Variants in APBA3 observed in about 807,000 individuals in gnomAD.
The protein encoded by APBA3 is amyloid beta precursor protein binding family A member 3.
APBA3 carries 45 observed loss-of-function variants against 55.9 expected under a neutral mutation model. The observed-to-expected ratio is 0.80, with a 90% CI of 0.63 to 1.03. The LOEUF (loss-of-function observed/expected upper bound fraction) is 1.03, where lower values mean the gene tolerates loss of function less well. Among genes scored for constraint, APBA3 ranks in the 50% least tolerant of loss-of-function variants. The pLI is 0.00. For missense variants in APBA3, 865 were observed against 820.3 expected, an observed-to-expected ratio of 1.05 and a Z score of -0.67; for synonymous variants, 370 against 353.3, an observed-to-expected ratio of 1.05 and a Z score of -0.53.
chr19:3,751,535 A>T lies in APBA3; in HGVS notation c.1414T>A (p.Ser472Thr). The T allele has an allele frequency of 6.3e-7, 1 of 1,590,346 alleles. No individual in the cohort carries two copies. Among genetic ancestry groups the T allele is most frequent in the Non-Finnish European group, 8.5e-7 (1 of 1,171,860 alleles). Residue 472 changes from serine to threonine, a missense_variant, in exon 9 of 11, where the codon TCG becomes ACG. By Grantham distance (58) the Ser-to-Thr change is moderately conservative. Coordinates refer to ENST00000316757, the MANE Select transcript of APBA3 (RefSeq NM_004886.4). ...AAVRETKSQT[S>T]VTLSIVHCPP... ...CAGTGGACGATGCTGAGTGTCACCG[A>T]CGTCTGCGACTTCGTCTCCTGTGGG...
rs1309435874 is a variant in APBA3 at position 3,759,797 on chromosome 19, C to T, written c.468G>A (p.Glu156=). ...TGCCCTCCTGCTCAGCAGAGGCCCC[C>T]TCCACCCATTCTGGGGAGTCAGAAT... ...DEDSDSPEWV[E]GASAEQEGSR... The change falls in exon 2 of 11, where the codon GAG becomes GAA. Residue 156 remains glutamate, a synonymous_variant. Transcript: ENST00000316757. The T allele has an allele frequency of 6.2e-7, 1 of 1,612,698 alleles. No homozygotes were observed. The highest frequency in any genetic ancestry group is 8.5e-7 in the Non-Finnish European group (1 of 1,179,890).
chr19:3,761,261 CCCCAAGACCCCAGA>C (rs541411335), intron 1 of APBA3, among the ~76,000 whole-genome samples: 70 of 152,214 alleles, frequency 4.6e-4, no homozygotes, highest in African/African-American at 1.6e-3. Context: ...AGAGGCAGTT[CCCCAAGACCCCAGA>C]CCCAAGACCC....
chr19:3,754,513 T>C, intron 3 of APBA3, 173 bp from the exon 4 acceptor site: 1 of 831,694 alleles, frequency 1.2e-6, no homozygotes, highest in Non-Finnish European at 1.8e-6. Flanking sequence ...AGCCTGGCCC[T>C]CACAGGTCTA....
chr19:3,761,173 C>T (rs1237602431), intron 1 of APBA3, among the ~76,000 whole-genome samples: 2 of 152,130 alleles, frequency 1.3e-5, no homozygotes, highest in Admixed American at 6.6e-5. Context: ...AGCCCTGGTT[C>T]TTCCAGGTCC....
In APBA3 at chr19:3,758,707, A is replaced by T. The variant is rs1245227713; in HGVS notation, c.616+854T>A. ...AGCCTGGCCAACACAGTGAAACCCC[A>T]TCTCTACTAAAAATACAAAAATTAG... On this transcript the variant is annotated intron_variant, in intron 3 of 10. Coordinates refer to ENST00000316757, the MANE Select transcript of APBA3 (RefSeq NM_004886.4). Among the ~76,000 whole-genome samples, 3 of 151,980 alleles carry T rather than the reference A, an allele frequency of 2.0e-5. No individual in the cohort carries two copies. In the East Asian group the frequency reaches 5.8e-4, roughly 29 times the overall value.
intron 3 of APBA3, among the ~76,000 whole-genome samples, chr19:3,759,155 G>A (rs1350351450): frequency 6.6e-6 from 1 of 152,120 alleles, no homozygotes; most frequent in African/African-American, 2.4e-5. Context: ...CTTGAACCTG[G>A]GAGATGGAGG....
At chr19:3,752,336 C>T (rs2037017467) in intron 8 of APBA3, among the ~76,000 whole-genome samples, 172 bp downstream of exon 8, 2 of 152,104 alleles carry the variant, frequency 1.3e-5, no homozygotes, top group African/African-American at 4.8e-5. Flanking sequence ...GGACAAGTGG[C>T]CTCCCTTCTC....
At chr19:3,752,413 G>A in intron 8 of APBA3, 95 bp downstream of exon 8, 1 of 1,188,550 alleles carries the variant, frequency 8.4e-7, no homozygotes, top group Non-Finnish European at 1.2e-6. Context: ...GTCCCTCCTG[G>A]CTGGGCTGGA....
Position 3,751,266 on chromosome 19 carries a change from T to C in APBA3, c.1579A>G (p.Ile527Val). The C allele has an allele frequency of 6.5e-7, 1 of 1,545,324 alleles. No individual in the cohort carries two copies. Among genetic ancestry groups the C allele is most frequent in the East Asian group, 2.4e-5 (1 of 41,042 alleles). The change falls in exon 10 of 11, where the codon ATT (isoleucine) becomes GTT (valine). Residue 527 changes from isoleucine to valine, a missense_variant. By Grantham distance (29) the Ile-to-Val change is conservative. Coordinates refer to ENST00000316757, the MANE Select transcript of APBA3 (RefSeq NM_004886.4). ...RGGIRVGHRI[I>V]EINGQSVVAT... ...ACCACACTCTGCCCATTGATCTCAA[T>C]GATGCGGTGGCCGACGCGGATGCCC...
At chr19:3,761,084 TG>T (rs2037141070) in intron 1 of APBA3, among the ~76,000 whole-genome samples, 1 of 152,120 alleles carries the variant, frequency 6.6e-6, no homozygotes, top group Non-Finnish European at 1.5e-5. Context: ...AGCCACAGAA[TG>T]GGGAGGTGTG....
intron 9 of APBA3, 38 bp from the exon 10 acceptor site, chr19:3,751,367 G>A (rs1375423685): frequency 6.6e-7 from 1 of 1,516,912 alleles, no homozygotes; most frequent in Non-Finnish European, 8.8e-7. Flanking sequence ...AGAGGTGGGG[G>A]CTGCTCAGGG....
intron 4 of APBA3, 44 bp downstream of exon 4, chr19:3,754,151 T>G: frequency 1.3e-6 from 2 of 1,552,810 alleles, no homozygotes; most frequent in South Asian, 1.2e-5. Flanking sequence ...AGACCCAGCC[T>G]GCAGCCCACC....
chr19:3,753,213 G>C, intron 6 of APBA3: 3 of 597,424 alleles, frequency 5.0e-6, no homozygotes, highest in Non-Finnish European at 8.8e-6. Flanking sequence ...CTGGGGGGAC[G>C]ATGAGGGAGG....
Position 3,752,671 on chromosome 19 carries a change from TC to T in APBA3, c.1231del (p.Glu411SerfsTer34), listed in dbSNP as rs1216719803. Reference sequence around the variant, plus strand: ...GGGCAGCAGGGAGCCCCAGCCCGACTCCACCAGGGCCACGCCCAGGCCCTCC... The same window carrying T: ...GGGCAGCAGGGAGCCCCAGCCCGACTCACCAGGGCCACGCCCAGGCCCTCC... ...RGEGLGVALV[E>X]SGWGSLLPTA... On this transcript the variant is annotated frameshift_variant, in exon 8 of 11. Coordinates refer to ENST00000316757, the MANE Select transcript of APBA3 (RefSeq NM_004886.4). LOFTEE classifies it high-confidence loss of function. 1 of 1,593,102 alleles carries T rather than the reference TC, an allele frequency of 6.3e-7. No individual in the cohort carries two copies. Among genetic ancestry groups the T allele is most frequent in the Non-Finnish European group, 8.5e-7 (1 of 1,175,198 alleles).
rs200943992 is a variant in APBA3, at chr19:3,752,567, C to T, written c.1336G>A (p.Ala446Thr). The change falls in exon 8 of 11, where the codon GCC (alanine) becomes ACC (threonine). Residue 446 changes from alanine to threonine, a missense_variant. By Grantham distance (58) the Ala-to-Thr change is moderately conservative. Transcript: ENST00000316757. ...GALSIGDRLTAINGTSLVGLP... is the reference protein window; with the variant it reads ...GALSIGDRLTTINGTSLVGLP... ...CCCACCAGGCTGGTCCCGTTGATGG[C>T]GGTCAGGCGGTCCCCGATGCTGAGG... is the stretch of plus-strand genomic sequence containing the variant. 6.9e-5 allele frequency: 109 copies of T among 1,587,820 alleles called. No individual in the cohort carries two copies. In the Middle Eastern group the frequency reaches 1.2e-3, roughly 18 times the overall value.
At position 3,752,522 on chromosome 19, in the gene APBA3, G is replaced by C; in HGVS notation, c.1381C>G (p.Gln461Glu). ...AGGAAACTCACGCGGACAGCGGCCT[G>C]GCACGCAGCCAGGGGCAGCCCCACC... ...SLVGLPLAAC[Q>E]AAVRETKSQT... The change falls in exon 8 of 11, where the codon CAG becomes GAG. Residue 461 changes from glutamine (Q) to glutamate (E), a missense_variant. Coordinates refer to ENST00000316757, the MANE Select transcript of APBA3 (RefSeq NM_004886.4). 6.3e-7 allele frequency: 1 copy of C among 1,580,152 alleles called. No individual in the cohort carries two copies. The highest frequency in any genetic ancestry group is 8.6e-7 in the Non-Finnish European group (1 of 1,168,464).
rs368597663 is a variant in APBA3 at position 3,754,104 on chromosome 19, G to T, written c.764C>A (p.Ala255Asp). Residue 255 changes from alanine to aspartate, a missense_variant and splice_region_variant, in exon 5 of 11, where the codon GCC becomes GAC. Coordinates refer to ENST00000316757, the MANE Select transcript of APBA3 (RefSeq NM_004886.4). ...QAREAMDRVK[A>D]PDGETQPMTE... ...CATGGGCTGGGTCTCCCCATCGGGG[G>T]CCTGTGGGTGGCGGCGTGGGAGGTG... is the stretch of plus-strand genomic sequence containing the variant. 14 of 1,601,036 alleles carry T rather than the reference G, an allele frequency of 8.7e-6. No homozygotes were observed. In the African/African-American group the frequency reaches 1.9e-4, roughly 21 times the overall value.
chr19:3,752,679 G>A lies in APBA3; in HGVS notation c.1224C>T (p.Ala408=), dbSNP rs751438185. ...GGGAGCCCCAGCCCGACTCCACCAG[G>A]GCCACGCCCAGGCCCTCCCCTCGCC... ...EKRRGEGLGV[A]LVESGWGSLL... Residue 408 remains alanine (A), a synonymous_variant, in exon 8 of 11, where the codon GCC becomes GCT. Coordinates refer to ENST00000316757, the MANE Select transcript of APBA3 (RefSeq NM_004886.4). 1 of 1,593,698 alleles carries A rather than the reference G, an allele frequency of 6.3e-7. No individual in the cohort carries two copies. The highest frequency in any genetic ancestry group is 1.1e-5 in the South Asian group (1 of 89,876).
intron 7 of APBA3, 23 bp downstream of exon 7, chr19:3,752,797 G>A (rs1465775364): frequency 1.2e-6 from 2 of 1,611,200 alleles, no homozygotes; most frequent in Non-Finnish European, 1.7e-6. Context: ...CACCAGGTGG[G>A]GGCTGCCCAG....
Sources: allele counts gnomAD v4.1 joint callset (sites outside exome capture counted in the v4.1 genomes callset), GRCh38; gene constraint gnomAD v4.1.1; transcripts MANE v1.5; gene names NCBI Gene and HGNC (gene_info 2026-07-23, HGNC 2026-07-21).